The following GALNT17 variants were observed in gnomAD, a reference collection of about 807,000 sequenced individuals.
GALNT17 encodes polypeptide N-acetylgalactosaminyltransferase 17, also known as UDP-GalNAc:polypeptide N-acetylgalactosaminyltransferase-like 3.
In GALNT17, 29 loss-of-function variants were observed where a neutral mutation model predicts 63.7. The observed-to-expected ratio is 0.46, with a 90% CI of 0.34 to 0.62. GALNT17 has a LOEUF of 0.62. Ranked by LOEUF, GALNT17 falls within the 20% of genes least tolerant of loss-of-function variation. The pLI, the probability that GALNT17 is intolerant of heterozygous loss-of-function variation, is 0.01. For missense variants in GALNT17, 603 were observed against 799.6 expected, an observed-to-expected ratio of 0.75 and a Z score of 2.97; for synonymous variants, 305 against 318.3, an observed-to-expected ratio of 0.96 and a Z score of 0.45.
At position 71,386,118 on chromosome 7, in the gene GALNT17, G is replaced by A. The variant is rs965432503; in HGVS notation, c.423-2117G>A. Among the ~76,000 whole-genome samples the A allele has an allele frequency of 2.6e-5, 4 of 152,160 alleles. No individual in the cohort carries two copies. The South Asian group carries it at 8.3e-4, about 32-fold the overall frequency. On this transcript the variant is annotated intron_variant, in intron 2 of 10. Coordinates refer to ENST00000333538, the MANE Select transcript of GALNT17 (RefSeq NM_022479.3). Reference sequence around the variant, plus strand: ...GTCAATAATCACTGTAATCTCCCTGGCAGCCCCCAGAAGTAGATTTACAGC... The same window carrying A: ...GTCAATAATCACTGTAATCTCCCTGACAGCCCCCAGAAGTAGATTTACAGC...
intron 2 of GALNT17, among the ~76,000 whole-genome samples, chr7:71,384,262 C>T (rs1792898635): frequency 6.6e-6 from 1 of 152,136 alleles, no homozygotes; most frequent in Non-Finnish European, 1.5e-5. Context: ...AAGAACCTGG[C>T]TCACATGGTT....
chr7:71,234,960 G>A (rs894753353), intron 1 of GALNT17, among the ~76,000 whole-genome samples: 4 of 152,058 alleles, frequency 2.6e-5, no homozygotes. Context: ...TAAAAAGTTC[G>A]GTCTGTTCAG....
chr7:71,316,391 T>A (rs1282143257), intron 1 of GALNT17, among the ~76,000 whole-genome samples: 1 of 152,116 alleles, frequency 6.6e-6, no homozygotes, highest in Non-Finnish European at 1.5e-5. Flanking sequence ...CATCTGTACA[T>A]AGTATCTTCT....
chr7:71,712,346 T>C lies in GALNT17; in HGVS notation c.*200T>C, dbSNP rs1421483159. On this transcript the variant is annotated 3_prime_UTR_variant, in exon 11 of 11. Transcript: ENST00000333538. ...GGCATTCAGCTGCCCACAAGTTTCC[T>C]GCACCCTGGAAAAGCCCCCCACCCT... 3.8e-6 allele frequency: 2 copies of C among 531,846 alleles called. No individual in the cohort carries two copies. Among genetic ancestry groups the C allele is most frequent in the African/African-American group, 1.9e-5 (1 of 51,334 alleles). The allele number at this position is 531,846 out of a possible 1,614,324, so 32.9% of individuals were successfully genotyped here.
At chr7:71,481,060 G>A (rs2116642114) in intron 5 of GALNT17, among the ~76,000 whole-genome samples, 1 of 152,278 alleles carries the variant, frequency 6.6e-6, no homozygotes, top group Admixed American at 6.5e-5. Context: ...CCCTGGCTTT[G>A]CCCCAAACTG....
At chr7:71,685,788 T>C (rs937503792) in intron 9 of GALNT17, 3 of 152,112 alleles carry the variant, frequency 2.0e-5, no homozygotes, top group Non-Finnish European at 4.4e-5. Context: ...AATTAGGCCA[T>C]ATAGGTGGTG....
intron 5 of GALNT17, among the ~76,000 whole-genome samples, chr7:71,523,290 G>A (rs754094924): frequency 4.6e-5 from 7 of 152,224 alleles, no homozygotes; most frequent in Non-Finnish European, 8.8e-5. Flanking sequence ...TTAGTCAGGC[G>A]TGGTGGCGCA....
intron 1 of GALNT17, among the ~76,000 whole-genome samples, chr7:71,137,329 C>T (rs1397918896): frequency 3.3e-5 from 5 of 151,608 alleles, no homozygotes; most frequent in Non-Finnish European, 5.9e-5. Flanking sequence ...TTAGTAGAGA[C>T]GGGGTTTCAC....
intron 3 of GALNT17, among the ~76,000 whole-genome samples, chr7:71,404,455 A>G (rs921990783): frequency 6.6e-6 from 1 of 152,114 alleles, no homozygotes; most frequent in African/African-American, 2.4e-5. Context: ...TTCTTCCTGA[A>G]GTTTCTCACT....
chr7:71,365,955 T>G (rs773907234), intron 2 of GALNT17, among the ~76,000 whole-genome samples: 5 of 152,176 alleles, frequency 3.3e-5, no homozygotes, highest in Non-Finnish European at 7.3e-5. Flanking sequence ...CTTGTTTTCC[T>G]GCAACTAGAC....
rs1319267048 is a variant in GALNT17, at chr7:71,498,520, A to G, written c.963-72765A>G. On this transcript the variant is annotated intron_variant, in intron 5 of 10. Transcript: ENST00000333538. The stretch of plus-strand genomic sequence containing the variant: ...AAGGGCTATGTAATATTGGAAAGAA[A>G]CAGGAGGTGAATGTTTAGCGTCATA... 7.2e-5 allele frequency among the ~76,000 whole-genome samples: 11 copies of G among 152,268 alleles called. No homozygotes were observed. The South Asian group carries it at 2.1e-3, about 29-fold the overall frequency.
intron 2 of GALNT17, among the ~76,000 whole-genome samples, chr7:71,359,685 G>A (rs1792362257): frequency 6.6e-6 from 1 of 151,808 alleles, no homozygotes; most frequent in Non-Finnish European, 1.5e-5. Flanking sequence ...CTGGGTTCAA[G>A]CAGTTCTTCT....
At chr7:71,384,421 T>A (rs962504394) in intron 2 of GALNT17, among the ~76,000 whole-genome samples, 4 of 152,156 alleles carry the variant, frequency 2.6e-5, no homozygotes, top group African/African-American at 9.7e-5. Context: ...TTTCTCATTG[T>A]CTTGCAGCTA....
chr7:71,205,996 A>G (rs1305094208), intron 1 of GALNT17, among the ~76,000 whole-genome samples: 2 of 151,512 alleles, frequency 1.3e-5, no homozygotes, highest in Non-Finnish European at 2.9e-5. Flanking sequence ...ATGTAGTCAT[A>G]TGGGTATTTA....
chr7:71,414,420 A>T (rs1563075030), intron 3 of GALNT17, among the ~76,000 whole-genome samples: 1 of 152,306 alleles, frequency 6.6e-6, no homozygotes, highest in East Asian at 1.9e-4. Flanking sequence ...CTTTAGTTGT[A>T]GCAGCCATAA....
intron 1 of GALNT17, among the ~76,000 whole-genome samples, chr7:71,250,165 C>T (rs1437335047): frequency 6.6e-6 from 1 of 152,152 alleles, no homozygotes; most frequent in Non-Finnish European, 1.5e-5. Flanking sequence ...GTTTCTCATT[C>T]ATCGTTTAAA....
chr7:71,702,799 G>T (rs1346787474), intron 9 of GALNT17, among the ~76,000 whole-genome samples: 1 of 152,118 alleles, frequency 6.6e-6, no homozygotes. Context: ...TTTGCTAATG[G>T]ATTGAATATG....
At chr7:71,614,732 A>T (rs1001124502) in intron 6 of GALNT17, among the ~76,000 whole-genome samples, 1 of 151,690 alleles carries the variant, frequency 6.6e-6, no homozygotes, top group African/African-American at 2.4e-5. Flanking sequence ...AACAGAAAGA[A>T]AAAGAAGTGG....
At chr7:71,332,954 C>T (rs923440930) in intron 1 of GALNT17, among the ~76,000 whole-genome samples, 1 of 152,212 alleles carries the variant, frequency 6.6e-6, no homozygotes, top group Admixed American at 6.5e-5. Flanking sequence ...TCCCAAATTG[C>T]TGGGATTACA....
Sources: allele counts gnomAD v4.1 joint callset (sites outside exome capture counted in the v4.1 genomes callset), GRCh38; gene constraint gnomAD v4.1.1; transcripts MANE v1.5; gene names NCBI Gene and HGNC (gene_info 2026-07-23, HGNC 2026-07-21).